Variants in NXPH2 observed in about 807,000 individuals in gnomAD.
NXPH2 encodes neurexophilin-2.
In NXPH2, 5 loss-of-function variants were observed where a neutral mutation model predicts 19.8. That is an observed-to-expected ratio of 0.25 (90% CI 0.13 to 0.53). The LOEUF (loss-of-function observed/expected upper bound fraction) is 0.53. NXPH2 is among the 20% of genes least tolerant of loss of function. The pLI is 0.96. For missense variants in NXPH2, 289 were observed against 322.8 expected, an observed-to-expected ratio of 0.90 and a Z score of 0.80; for synonymous variants, 154 against 127.4, an observed-to-expected ratio of 1.21 and a Z score of -1.41.
rs72860149 is a variant in NXPH2, at chr2:138,670,268, C to G, written c.*654G>C. Among the ~76,000 whole-genome samples, 12,765 of 152,212 alleles carry G rather than the reference C, an allele frequency of 0.084. 787 individuals are homozygous for G. Among genetic ancestry groups the G allele is most frequent in the Non-Finnish European group, 0.11 (7,731 of 68,012 alleles). On this transcript the variant is annotated 3_prime_UTR_variant, in exon 2 of 2. Coordinates refer to ENST00000272641, the MANE Select transcript of NXPH2 (RefSeq NM_007226.3). ...ATCAGTATTCAAACTCAGGGGGAAT[C>G]ATAAGAATGGTGACCAACACAGGGC... is the stretch of plus-strand genomic sequence containing the variant.
intron 1 of NXPH2, among the ~76,000 whole-genome samples, chr2:138,773,886 T>A (rs2104845482): frequency 6.6e-6 from 1 of 152,328 alleles, no homozygotes; most frequent in African/African-American, 2.4e-5. Flanking sequence ...TTAGTCTTTC[T>A]GTTTCACTTG....
chr2:138,670,926 C>A lies in NXPH2; in HGVS notation c.791G>T (p.Gly264Val). Residue 264 changes from glycine (G) to valine (V), a missense_variant, in exon 2 of 2, where the codon GGC (glycine) becomes GTC (valine). Physicochemically the swap from Gly to Val is moderately radical, Grantham distance 109. Coordinates refer to ENST00000272641, the MANE Select transcript of NXPH2 (RefSeq NM_007226.3). ...ATTTCCACCACAGCAGGAAGATCAG[C>A]CAGAAGATAAGTATGGGGTCTCACT... ...YHSETPYLSS[G>V] The A allele has an allele frequency of 6.2e-7, 1 of 1,609,820 alleles. No individual in the cohort carries two copies. The highest frequency in any genetic ancestry group is 8.5e-7 in the Non-Finnish European group (1 of 1,177,146).
chr2:138,776,605 G>T (rs1282841868), intron 1 of NXPH2, among the ~76,000 whole-genome samples: 1 of 143,744 alleles, frequency 7.0e-6, no homozygotes, highest in Non-Finnish European at 1.5e-5. Context: ...TCATAACAAT[G>T]ATATAGTGGT....
chr2:138,721,027 C>G (rs924277074), intron 1 of NXPH2, among the ~76,000 whole-genome samples: 1 of 152,140 alleles, frequency 6.6e-6, no homozygotes, highest in African/African-American at 2.4e-5. Context: ...TTATTAAATA[C>G]TTTTGTATTG....
At chr2:138,772,858 T>C (rs1682201027) in intron 1 of NXPH2, among the ~76,000 whole-genome samples, 1 of 152,344 alleles carries the variant, frequency 6.6e-6, no homozygotes, top group East Asian at 1.9e-4. Flanking sequence ...CAGTCTACAG[T>C]CTGTCTCTGA....
intron 1 of NXPH2, among the ~76,000 whole-genome samples, chr2:138,771,740 C>T (rs1178677411): frequency 6.6e-6 from 1 of 151,974 alleles, no homozygotes; most frequent in East Asian, 1.9e-4. Context: ...GGGAGCTGTC[C>T]AGAGTCGGGG....
At position 138,670,895 on chromosome 2, in the gene NXPH2, T is replaced by A; in HGVS notation, c.*27A>T. 6.3e-7 allele frequency: 1 copy of A among 1,594,704 alleles called. No individual in the cohort carries two copies. Among genetic ancestry groups the A allele is most frequent in the Non-Finnish European group, 8.5e-7 (1 of 1,169,688 alleles). ...GTCATTCTAATCAAATACATATGTATCCCTCATTTCCACCACAGCAGGAAG... is the reference window on the plus strand; with the variant it reads ...GTCATTCTAATCAAATACATATGTAACCCTCATTTCCACCACAGCAGGAAG... On this transcript the variant is annotated 3_prime_UTR_variant, in exon 2 of 2. Transcript: ENST00000272641.
At chr2:138,705,007 A>G (rs1680986062) in intron 1 of NXPH2, among the ~76,000 whole-genome samples, 1 of 151,988 alleles carries the variant, frequency 6.6e-6, no homozygotes. Flanking sequence ...GAATGTTTTT[A>G]GTAGAGACAG....
chr2:138,708,979 G>C (rs1467599002), intron 1 of NXPH2, among the ~76,000 whole-genome samples: 1 of 152,188 alleles, frequency 6.6e-6, no homozygotes, highest in African/African-American at 2.4e-5. Context: ...GACCAATTAT[G>C]ACAGCAAAAG....
intron 1 of NXPH2, among the ~76,000 whole-genome samples, chr2:138,745,382 G>T (rs1450396361): frequency 6.6e-6 from 1 of 151,406 alleles, no homozygotes; most frequent in African/African-American, 2.4e-5. Context: ...ATATGGAATA[G>T]AATCTTTTTG....
At chr2:138,767,971 C>A (rs1158948406) in intron 1 of NXPH2, among the ~76,000 whole-genome samples, 1 of 151,992 alleles carries the variant, frequency 6.6e-6, no homozygotes, top group Admixed American at 6.6e-5. Context: ...CCAGTATGTT[C>A]TTTATTATCT....
chr2:138,695,507 G>T (rs562013546), intron 1 of NXPH2, among the ~76,000 whole-genome samples: 3 of 152,144 alleles, frequency 2.0e-5, no homozygotes, highest in East Asian at 1.9e-4. Context: ...TATTACTTCT[G>T]CCCAAATAAA....
chr2:138,722,469 G>T (rs1023808269), intron 1 of NXPH2, among the ~76,000 whole-genome samples: 2 of 152,192 alleles, frequency 1.3e-5, no homozygotes, highest in Non-Finnish European at 2.9e-5. Flanking sequence ...ATGGGCAAGC[G>T]TCCAGGCCAG....
At position 138,670,660 on chromosome 2, in the gene NXPH2, T is replaced by G; in HGVS notation, c.*262A>C. 1 of 325,392 alleles carries G rather than the reference T, an allele frequency of 3.1e-6. No homozygotes were observed. Among genetic ancestry groups the G allele is most frequent in the East Asian group, 5.0e-5 (1 of 19,854 alleles). 20.2% of individuals were successfully genotyped at this position (325,392 alleles called of 1,614,324 possible). A position where few individuals can be genotyped will look rare whatever the true frequency, so the allele number is the denominator to read the frequency against. ...TGTTTCTTTCAGAGAAACAATAAGA[T>G]TTCTAGAACTTAGTCATCTTGCATG... On this transcript the variant is annotated 3_prime_UTR_variant, in exon 2 of 2. Coordinates refer to ENST00000272641, the MANE Select transcript of NXPH2 (RefSeq NM_007226.3).
At chr2:138,778,642 A>G (rs554514425) in intron 1 of NXPH2, among the ~76,000 whole-genome samples, 4 of 152,350 alleles carry the variant, frequency 2.6e-5, no homozygotes, top group Middle Eastern at 3.4e-3. Context: ...AAGACCCCAC[A>G]TAAACACCTG....
At position 138,670,800 on chromosome 2, in the gene NXPH2, A is replaced by G. The variant is rs1312826010; in HGVS notation, c.*122T>C. 7 of 1,031,274 alleles carry G rather than the reference A, an allele frequency of 6.8e-6. No homozygotes were observed. Among genetic ancestry groups the G allele is most frequent in the African/African-American group, 1.6e-5 (1 of 62,182 alleles). The allele number at this position is 1,031,274 out of a possible 1,614,324, so 63.9% of individuals were successfully genotyped here. ...TTCTTTTTTTAAATTTGAAAACCTG[A>G]TAGGGAACTATTGTTCACTGCCAGA... On this transcript the variant is annotated 3_prime_UTR_variant, in exon 2 of 2. Coordinates refer to ENST00000272641, the MANE Select transcript of NXPH2 (RefSeq NM_007226.3).
chr2:138,715,071 C>T (rs1488948828), intron 1 of NXPH2, among the ~76,000 whole-genome samples: 3 of 152,152 alleles, frequency 2.0e-5, no homozygotes, highest in Non-Finnish European at 4.4e-5. Flanking sequence ...GGTGTTCTAT[C>T]AACTCTAGGT....
At chr2:138,748,847 A>G (rs1452841177) in intron 1 of NXPH2, among the ~76,000 whole-genome samples, 1 of 152,200 alleles carries the variant, frequency 6.6e-6, no homozygotes, top group Non-Finnish European at 1.5e-5. Flanking sequence ...TTAAAAAAAT[A>G]AAATTATGCA....
intron 1 of NXPH2, among the ~76,000 whole-genome samples, chr2:138,757,878 C>T (rs965299661): frequency 6.6e-6 from 1 of 150,856 alleles, no homozygotes; most frequent in Admixed American, 6.6e-5. Flanking sequence ...CCACTGGTTC[C>T]ACTTGCTTGG....
Sources: gnomAD v4.1 joint callset for allele counts (sites outside exome capture counted in the v4.1 genomes callset) on GRCh38, gnomAD v4.1.1 for gene constraint, MANE v1.5 for transcripts, NCBI Gene and HGNC (gene_info 2026-07-23, HGNC 2026-07-21) for gene names.